The following NUDCD1 variants were observed in gnomAD, a reference collection of about 807,000 sequenced individuals.
The protein encoded by NUDCD1 is nudC domain-containing protein 1.
Under a neutral mutation model 67.8 loss-of-function variants are expected in NUDCD1, and 60 were observed. The ratio of observed to expected loss-of-function variants is 0.88; its 90% confidence interval spans 0.72 to 1.10. The LOEUF is 1.10. Among genes scored for constraint, NUDCD1 ranks in the 50% least tolerant of loss-of-function variants. The pLI, the probability that NUDCD1 is intolerant of heterozygous loss-of-function variation, is 0.00. For synonymous variants in NUDCD1, 244 were observed against 230.8 expected (o/e 1.06, Z -0.52); for missense variants, 643 against 695.0 (o/e 0.93, Z 0.84).
intron 1 of NUDCD1, chr8:109,329,861 C>T: frequency 6.5e-7 from 1 of 1,549,010 alleles, no homozygotes; most frequent in Non-Finnish European, 8.7e-7. Context: ...TGGGACCCTT[C>T]AATACAAAAT....
At chr8:109,254,899 TA>T (rs1813696790) in intron 8 of NUDCD1, among the ~76,000 whole-genome samples, 5 of 152,172 alleles carry the variant, frequency 3.3e-5, no homozygotes, top group Admixed American at 3.3e-4. Context: ...GTACACAGAA[TA>T]AATTGTAAAA....
intron 2 of NUDCD1, among the ~76,000 whole-genome samples, chr8:109,302,898 C>T (rs1219125618): frequency 1.3e-5 from 2 of 152,274 alleles, no homozygotes; most frequent in Non-Finnish European, 2.9e-5. Flanking sequence ...TTCTGGCCCT[C>T]AACCCCACAA....
At chr8:109,279,735 A>G (rs1427167258) in intron 6 of NUDCD1, among the ~76,000 whole-genome samples, 2 of 152,008 alleles carry the variant, frequency 1.3e-5, no homozygotes, top group African/African-American at 2.4e-5. Context: ...GGGTTCAAGT[A>G]GTTCTCCTGT....
intron 6 of NUDCD1, among the ~76,000 whole-genome samples, chr8:109,278,631 A>G (rs967438050): frequency 1.3e-5 from 2 of 152,214 alleles, no homozygotes; most frequent in East Asian, 3.8e-4. Flanking sequence ...CCAGTTCTAG[A>G]ACTCCATATG....
Position 109,334,063 on chromosome 8 carries a change from G to A in NUDCD1, c.-53C>T. ...TAATAAAGCCCTTGTTGAAAGGTCC[G>A]CGCTTCACGCCTCGCACAGAGACTG... On this transcript the variant is annotated 5_prime_UTR_variant, in exon 1 of 10. Transcript: ENST00000239690. 1.2e-6 allele frequency: 2 copies of A among 1,610,380 alleles called. No individual in the cohort carries two copies. Among genetic ancestry groups the A allele is most frequent in the Admixed American group, 1.7e-5 (1 of 59,610 alleles).
chr8:109,257,934 T>C (rs1472703099), intron 8 of NUDCD1, among the ~76,000 whole-genome samples: 4 of 152,150 alleles, frequency 2.6e-5, no homozygotes, highest in Non-Finnish European at 1.5e-5. Context: ...AACACATGTA[T>C]TACAAATTCA....
intron 8 of NUDCD1, among the ~76,000 whole-genome samples, chr8:109,258,382 T>C (rs886654302): frequency 2.0e-5 from 3 of 152,010 alleles, no homozygotes; most frequent in African/African-American, 4.8e-5. Context: ...ACAAAATGCA[T>C]AGCAAATGAT....
In NUDCD1 at chr8:109,241,494, T is replaced by A. The variant is rs1813364048; in HGVS notation, c.*1515A>T. The A allele has an allele frequency of 6.6e-6, 1 of 152,170 alleles. No homozygotes were observed. The highest frequency in any genetic ancestry group is 2.4e-5 in the African/African-American group (1 of 41,446). 9.4% of individuals were successfully genotyped at this position (152,170 alleles called of 1,614,324 possible). On this transcript the variant is annotated 3_prime_UTR_variant, in exon 10 of 10. Transcript: ENST00000239690. ...TCACTGTTTTGGTTTTTGGTTACTA[T>A]ACAGTTTTCCATCTCTATGATCTCG... is the stretch of plus-strand genomic sequence containing the variant.
chr8:109,295,295 G>A (rs373292730), intron 3 of NUDCD1, among the ~76,000 whole-genome samples: 26 of 152,010 alleles, frequency 1.7e-4, no homozygotes, highest in Admixed American at 2.6e-4. Flanking sequence ...TCTCTCCTGC[G>A]CATTATTCTC....
chr8:109,285,216 C>G (rs909812933), intron 5 of NUDCD1, among the ~76,000 whole-genome samples: 1 of 152,038 alleles, frequency 6.6e-6, no homozygotes, highest in Non-Finnish European at 1.5e-5. Flanking sequence ...GGATTCACAT[C>G]CAAACTCTAC....
At chr8:109,329,762 A>C (rs774955233) in intron 1 of NUDCD1, 1 of 1,523,728 alleles carries the variant, frequency 6.6e-7, no homozygotes, top group African/African-American at 1.4e-5. Context: ...TTATGTCTTC[A>C]TAAAGCTGTT....
Position 109,293,530 on chromosome 8 carries a change from A to G in NUDCD1, c.460-6T>C. 1 of 1,478,546 alleles carries G rather than the reference A, an allele frequency of 6.8e-7. No homozygotes were observed. Among genetic ancestry groups the G allele is most frequent in the Non-Finnish European group, 9.1e-7 (1 of 1,098,186 alleles). 91.6% of individuals were successfully genotyped at this position (1,478,546 alleles called of 1,614,324 possible). On this transcript the variant is annotated splice_region_variant and splice_polypyrimidine_tract_variant and intron_variant, in intron 3 of 9. Coordinates refer to ENST00000239690, the MANE Select transcript of NUDCD1 (RefSeq NM_032869.4). ...AGTTCTTCATTAAACATAATCTACA[A>G]AACAAAATTACACACACAAAAAAGT...
intron 8 of NUDCD1, among the ~76,000 whole-genome samples, chr8:109,270,756 G>C (rs1814132014): frequency 6.6e-6 from 1 of 151,950 alleles, no homozygotes; most frequent in African/African-American, 2.4e-5. Context: ...ACATTACAGG[G>C]TCACAATTGT....
At chr8:109,327,562 T>A (rs1815708571) in intron 1 of NUDCD1, among the ~76,000 whole-genome samples, 1 of 152,150 alleles carries the variant, frequency 6.6e-6, no homozygotes, top group South Asian at 2.1e-4. Context: ...CATTTCCTCA[T>A]CTATAATAAA....
At chr8:109,302,524 C>T (rs1815013020) in intron 2 of NUDCD1, among the ~76,000 whole-genome samples, 1 of 152,164 alleles carries the variant, frequency 6.6e-6, no homozygotes, top group African/African-American at 2.4e-5. Flanking sequence ...AACTCTTCTT[C>T]AGCCTCCACT....
At chr8:109,292,102 AAT>A (rs1239381525) in intron 4 of NUDCD1, among the ~76,000 whole-genome samples, 1 of 152,044 alleles carries the variant, frequency 6.6e-6, no homozygotes, top group African/African-American at 2.4e-5. Flanking sequence ...ATAATATTTA[AAT>A]ATATGTCAAA....
At position 109,329,789 on chromosome 8, in the gene NUDCD1, T is replaced by C. The variant is rs1048595688; in HGVS notation, c.118+4104A>G. ...AAAGCTGTTTAATTTGTGAGACAAA[T>C]TTATGTCCTACTTACCAGGCATGCT... is the stretch of plus-strand genomic sequence containing the variant. On this transcript the variant is annotated intron_variant, in intron 1 of 9. Transcript: ENST00000239690. 1.9e-6 allele frequency: 3 copies of C among 1,548,416 alleles called. No individual in the cohort carries two copies. The African/African-American group carries it at 4.1e-5, about 21-fold the overall frequency.
intron 5 of NUDCD1, among the ~76,000 whole-genome samples, chr8:109,285,281 CGAG>C (rs2129999874): frequency 7.8e-6 from 1 of 128,242 alleles, no homozygotes; most frequent in Admixed American, 8.6e-5. Flanking sequence ...CCAAAAAAAT[CGAG>C]AAGGAGGAAC....
At chr8:109,320,712 A>G (rs1330982635) in intron 2 of NUDCD1, among the ~76,000 whole-genome samples, 1 of 152,236 alleles carries the variant, frequency 6.6e-6, no homozygotes, top group Non-Finnish European at 1.5e-5. Flanking sequence ...TTTACAATTT[A>G]TGTTTAAGAG....
Sources: gnomAD v4.1 joint callset for allele counts (sites outside exome capture counted in the v4.1 genomes callset) on GRCh38, gnomAD v4.1.1 for gene constraint, MANE v1.5 for transcripts, NCBI Gene and HGNC (gene_info 2026-07-23, HGNC 2026-07-21) for gene names.